The following FRAS1 variants were observed in gnomAD, a reference collection of about 807,000 sequenced individuals.
The protein encoded by FRAS1 is Fraser extracellular matrix complex subunit 1, also known as extracellular matrix organizing protein FRAS1.
In FRAS1, 290 loss-of-function variants were observed where a neutral mutation model predicts 435.2. The observed-to-expected ratio is 0.67, with a 90% CI of 0.61 to 0.73. The LOEUF is 0.73. Ranked by LOEUF, FRAS1 falls within the 30% of genes least tolerant of loss-of-function variation. The pLI is 0.00. For missense variants in FRAS1, 4,860 were observed against 5,001.5 expected (o/e 0.97, Z 0.85); for synonymous variants, 1,800 against 1,851.0 (o/e 0.97, Z 0.71).
intron 2 of FRAS1, among the ~76,000 whole-genome samples, chr4:78,125,824 T>G (rs1719313632): frequency 6.6e-6 from 1 of 152,192 alleles, no homozygotes; most frequent in South Asian, 2.1e-4. Context: ...CCAGTCAGGC[T>G]ACACGGTGGT....
chr4:78,472,203 G>A lies in FRAS1; in HGVS notation c.7395G>A (p.Lys2465=). The change falls in exon 52 of 74, where the codon AAG becomes AAA. Residue 2465 remains lysine, a synonymous_variant. Coordinates refer to ENST00000512123, the MANE Select transcript of FRAS1 (RefSeq NM_025074.7). ...DGKATNLITK[K]ELLTMDPDTE... ...AGGCAACCAACCTGATCACCAAGAA[G>A]GAACTGCTGACCATGGACCCAGACA... 6.2e-7 allele frequency: 1 copy of A among 1,613,904 alleles called. No homozygotes were observed. The highest frequency in any genetic ancestry group is 8.5e-7 in the Non-Finnish European group (1 of 1,179,826).
chr4:78,403,323 G>A (rs1019250795), intron 30 of FRAS1, among the ~76,000 whole-genome samples: 3 of 151,984 alleles, frequency 2.0e-5, no homozygotes, highest in Non-Finnish European at 4.4e-5. Context: ...TAAATATCAC[G>A]TATGCTTTAT....
intron 64 of FRAS1, 70 bp downstream of exon 64, chr4:78,511,576 A>G (rs1721042478): frequency 3.6e-6 from 4 of 1,125,816 alleles, no homozygotes; most frequent in South Asian, 2.6e-5. Flanking sequence ...TGTGTTTCCC[A>G]GGACAATCAA....
At chr4:78,325,829 G>A (rs1430323386) in intron 18 of FRAS1, among the ~76,000 whole-genome samples, 2 of 152,212 alleles carry the variant, frequency 1.3e-5, no homozygotes, top group Non-Finnish European at 2.9e-5. Flanking sequence ...GATTTGTAGA[G>A]GGAAAACTTT....
At chr4:78,506,426 G>A (rs990909751) in intron 61 of FRAS1, among the ~76,000 whole-genome samples, 7 of 152,144 alleles carry the variant, frequency 4.6e-5, no homozygotes, top group African/African-American at 1.2e-4. Context: ...CTTCCCAGCC[G>A]CTTTGTTTAC....
chr4:78,519,303 C>T (rs1721311837), intron 66 of FRAS1, 28 bp from the exon 67 acceptor site: 2 of 1,474,476 alleles, frequency 1.4e-6, no homozygotes, highest in Admixed American at 2.7e-5. Flanking sequence ...GGAGAAATAA[C>T]TCTGTGTGCA....
intron 2 of FRAS1, chr4:78,182,035 G>A: frequency 1.1e-5 from 17 of 1,522,900 alleles, no homozygotes; most frequent in Non-Finnish European, 1.3e-5. Context: ...CTTCCTGTAA[G>A]TGCCCAGGCA....
At chr4:78,193,713 G>C (rs1286770631) in intron 2 of FRAS1, among the ~76,000 whole-genome samples, 2 of 152,152 alleles carry the variant, frequency 1.3e-5, no homozygotes, top group African/African-American at 4.8e-5. Flanking sequence ...GATGGGTCTT[G>C]ACTCTTTATC....
Position 78,372,771 on chromosome 4 carries a change from C to T in FRAS1, c.2923C>T (p.Gln975Ter). ...CSGPLKTDCLQCMDGYVLQDG... is the reference protein window; with the variant it reads ...CSGPLKTDCL ...TGGGCCCCTGAAAACAGACTGCCTG[C>T]AGTGCATGGATGGCTATGTTCTCCA... Residue 975 changes from glutamine (Q) to a stop codon, truncating the protein, a stop_gained, in exon 24 of 74, where the codon CAG (glutamine) becomes TAG (stop). Transcript: ENST00000512123. LOFTEE classifies it high-confidence loss of function. 6.2e-7 allele frequency: 1 copy of T among 1,613,164 alleles called. No homozygotes were observed. Among genetic ancestry groups the T allele is most frequent in the Non-Finnish European group, 8.5e-7 (1 of 1,179,684 alleles).
chr4:78,307,774 C>G (rs345530), intron 14 of FRAS1, among the ~76,000 whole-genome samples: 100,003 of 152,046 alleles, frequency 0.66, 33,403 homozygotes, highest in Non-Finnish European at 0.7. Flanking sequence ...TTAGTGAGAT[C>G]AACCCGGTAC....
intron 61 of FRAS1, among the ~76,000 whole-genome samples, chr4:78,504,730 G>A (rs1030011307): frequency 6.6e-6 from 1 of 152,124 alleles, no homozygotes; most frequent in African/African-American, 2.4e-5. Flanking sequence ...TTACATTTAA[G>A]GTTAATATTG....
intron 18 of FRAS1, 136 bp from the exon 19 acceptor site, chr4:78,333,136 G>A: frequency 2.1e-6 from 2 of 942,686 alleles, no homozygotes; most frequent in Non-Finnish European, 3.0e-6. Flanking sequence ...TGTGAGATGT[G>A]CAGCCTGTCA....
At chr4:78,289,547 T>C (rs1727784761) in intron 14 of FRAS1, among the ~76,000 whole-genome samples, 1 of 152,134 alleles carries the variant, frequency 6.6e-6, no homozygotes, top group Non-Finnish European at 1.5e-5. Flanking sequence ...CATAGAGTGA[T>C]CACCCTGTTA....
chr4:78,521,538 G>A lies in FRAS1; in HGVS notation c.10556G>A (p.Ser3519Asn), dbSNP rs747208031. 2.5e-6 allele frequency: 4 copies of A among 1,609,780 alleles called. No homozygotes were observed. In the South Asian group the frequency reaches 4.4e-5, roughly 18 times the overall value. ...TCCTGCCCAGGAATCCAGACAGACAGCGTGCTCTCTGCAAGGCTTCAGATA... is the reference window on the plus strand; with the variant it reads ...TCCTGCCCAGGAATCCAGACAGACAACGTGCTCTCTGCAAGGCTTCAGATA... ...VLWRTGIQTDSVLSARLQIIR... is the reference protein window; with the variant it reads ...VLWRTGIQTDNVLSARLQIIR... The change falls in exon 68 of 74, where the codon AGC (serine) becomes AAC (asparagine). Residue 3519 changes from serine to asparagine, a missense_variant. Ser to Asn is a conservative substitution (Grantham distance 46). Coordinates refer to ENST00000512123, the MANE Select transcript of FRAS1 (RefSeq NM_025074.7).
intron 2 of FRAS1, among the ~76,000 whole-genome samples, chr4:78,174,770 C>CA (rs1453956373): frequency 6.6e-6 from 1 of 152,172 alleles, no homozygotes; most frequent in African/African-American, 2.4e-5. Flanking sequence ...TGAATTAGGT[C>CA]AGAAGTCTTA....
intron 2 of FRAS1, among the ~76,000 whole-genome samples, chr4:78,208,084 C>G (rs548333335): frequency 6.6e-6 from 1 of 152,198 alleles, no homozygotes; most frequent in African/African-American, 2.4e-5. Flanking sequence ...CTGGTATCCA[C>G]AGCTGAGAGA....
chr4:78,537,406 C>T (rs1721919574), intron 72 of FRAS1, among the ~76,000 whole-genome samples: 1 of 152,170 alleles, frequency 6.6e-6, no homozygotes, highest in African/African-American at 2.4e-5. Flanking sequence ...CATTGATGTC[C>T]TCAGAAAAGG....
chr4:78,500,270 G>A (rs1720635383), intron 61 of FRAS1, among the ~76,000 whole-genome samples: 2 of 152,096 alleles, frequency 1.3e-5, no homozygotes, highest in African/African-American at 2.4e-5. Context: ...TGCTGTGCTG[G>A]GTCAGTCAAG....
In FRAS1 at chr4:78,326,240, ATGT is replaced by A. The variant is rs1241218140; in HGVS notation, c.2138-7029_2138-7027del. ...GCTGCACTAACCCAAGTCATGAATGATGTTGAAGATCCTTATTAAGGGGCTGTG... is the reference window on the plus strand; with the variant it reads ...GCTGCACTAACCCAAGTCATGAATGATGAAGATCCTTATTAAGGGGCTGTG... On this transcript the variant is annotated intron_variant, in intron 18 of 73. Transcript: ENST00000512123. 2.0e-5 allele frequency among the ~76,000 whole-genome samples: 3 copies of A among 152,320 alleles called. No homozygotes were observed. The East Asian group carries it at 5.8e-4, about 29-fold the overall frequency.
Sources: gnomAD v4.1 joint callset for allele counts (sites outside exome capture counted in the v4.1 genomes callset) on GRCh38, gnomAD v4.1.1 for gene constraint, MANE v1.5 for transcripts, NCBI Gene and HGNC (gene_info 2026-07-23, HGNC 2026-07-21) for gene names.